CA10: variants seen among roughly 807,000 people sequenced by gnomAD.
CA10 encodes carbonic anhydrase-related protein 10.
In CA10, 14 loss-of-function variants were observed where a neutral mutation model predicts 44.2. That is an observed-to-expected ratio of 0.32 (90% CI 0.21 to 0.50). The LOEUF (loss-of-function observed/expected upper bound fraction) is 0.50, where lower values mean the gene tolerates loss of function less well. Among genes scored for constraint, CA10 ranks in the 20% least tolerant of loss-of-function variants. The probability of loss-of-function intolerance (pLI) is 0.99; values close to 1 mark genes in which losing one functional copy is unlikely to be tolerated. For synonymous variants in CA10, 159 were observed against 141.6 expected (o/e 1.12, Z -0.87); for missense variants, 350 against 409.7 (o/e 0.85, Z 1.26).
At chr17:51,962,807 G>A (rs946994207) in intron 2 of CA10, among the ~76,000 whole-genome samples, 2 of 152,132 alleles carry the variant, frequency 1.3e-5, no homozygotes, top group Admixed American at 6.5e-5. Context: ...ATAAAAATTA[G>A]AAGTCCTATT....
intron 3 of CA10, among the ~76,000 whole-genome samples, chr17:51,775,206 G>A (rs914117750): frequency 4.6e-5 from 7 of 152,216 alleles, no homozygotes; most frequent in Non-Finnish European, 8.8e-5. Context: ...TGCTCACAGA[G>A]AGGGCACAGT....
At chr17:51,973,227 T>C (rs1279751759) in intron 2 of CA10, among the ~76,000 whole-genome samples, 1 of 152,142 alleles carries the variant, frequency 6.6e-6, no homozygotes, top group African/African-American at 2.4e-5. Context: ...CCAAGTGAGA[T>C]CCATACTGAT....
intron 2 of CA10, among the ~76,000 whole-genome samples, chr17:52,031,280 G>C (rs977338452): frequency 1.1e-4 from 16 of 151,752 alleles, no homozygotes; most frequent in African/African-American, 3.9e-4. Flanking sequence ...CTCCCAAGTA[G>C]CTGAGACTAC....
intron 3 of CA10, among the ~76,000 whole-genome samples, chr17:51,908,235 T>C (rs1023947740): frequency 6.6e-6 from 1 of 152,154 alleles, no homozygotes; most frequent in African/African-American, 2.4e-5. Flanking sequence ...CACAGATTAA[T>C]TGAAAGAACT....
intron 2 of CA10, among the ~76,000 whole-genome samples, chr17:51,995,589 G>A (rs1195032164): frequency 3.9e-5 from 6 of 152,094 alleles, no homozygotes; most frequent in African/African-American, 1.4e-4. Context: ...CCTAAATAAG[G>A]GGAATTGGGT....
At chr17:51,994,568 C>T (rs1476251875) in intron 2 of CA10, among the ~76,000 whole-genome samples, 1 of 151,924 alleles carries the variant, frequency 6.6e-6, no homozygotes, top group Admixed American at 6.6e-5. Context: ...TACTATAGTT[C>T]AGTATCTGGT....
chr17:51,731,953 GC>G (rs1916738819), intron 4 of CA10, among the ~76,000 whole-genome samples: 1 of 152,166 alleles, frequency 6.6e-6, no homozygotes, highest in Non-Finnish European at 1.5e-5. Flanking sequence ...AGCACTCTGT[GC>G]CAGATCCAGT....
intron 4 of CA10, among the ~76,000 whole-genome samples, chr17:51,692,430 ACC>A (rs1567805370): frequency 0.019 from 1,292 of 68,122 alleles, 11 homozygotes; most frequent in East Asian, 0.061. Flanking sequence ...TATCTATTTT[ACC>A]ATTTACCATG....
chr17:52,096,708 GT>G (rs1279884451), intron 1 of CA10, among the ~76,000 whole-genome samples: 2 of 152,148 alleles, frequency 1.3e-5, no homozygotes, highest in Non-Finnish European at 2.9e-5. Flanking sequence ...TAGGGTTGAA[GT>G]TCTACTCTGT....
intron 2 of CA10, among the ~76,000 whole-genome samples, chr17:51,933,967 A>G (rs1982763859): frequency 6.6e-6 from 1 of 152,110 alleles, no homozygotes; most frequent in Admixed American, 6.6e-5. Flanking sequence ...TTTATTGGGC[A>G]TGGAATTCTT....
chr17:51,663,743 G>T (rs1156420837), intron 4 of CA10, among the ~76,000 whole-genome samples: 2 of 152,154 alleles, frequency 1.3e-5, no homozygotes, highest in Non-Finnish European at 1.5e-5. Flanking sequence ...GGCTGCTGGG[G>T]CTCTGATAAA....
intron 5 of CA10, 53 bp downstream of exon 5, chr17:51,653,588 A>G (rs1436238487): frequency 6.3e-6 from 6 of 946,680 alleles, no homozygotes; most frequent in Non-Finnish European, 8.7e-6. Flanking sequence ...GTAAATTGGT[A>G]TTCTGATTGA....
chr17:51,647,487 C>T (rs1597960868), intron 6 of CA10, among the ~76,000 whole-genome samples: 1 of 152,118 alleles, frequency 6.6e-6, no homozygotes, highest in East Asian at 1.9e-4. Flanking sequence ...TCCTCTCCCT[C>T]CCCTCTCTTG....
chr17:51,636,860 A>C (rs9303589), intron 6 of CA10, among the ~76,000 whole-genome samples: 67,337 of 149,850 alleles, frequency 0.45, 15,268 homozygotes, highest in South Asian at 0.57. Context: ...CTCTTACACC[A>C]ATTTGAGGTA....
chr17:52,070,282 C>T (rs1400366787), intron 2 of CA10, among the ~76,000 whole-genome samples: 1 of 152,172 alleles, frequency 6.6e-6, no homozygotes, highest in Non-Finnish European at 1.5e-5. Flanking sequence ...ATGTTTCAGG[C>T]ATCTTGAGAA....
At chr17:51,654,899 C>T (rs1211783650) in intron 4 of CA10, among the ~76,000 whole-genome samples, 2 of 151,060 alleles carry the variant, frequency 1.3e-5, no homozygotes, top group African/African-American at 2.5e-5. Context: ...AAGTAAAAAA[C>T]GTGATGCCCC....
chr17:52,018,817 G>A (rs948271766), intron 2 of CA10, among the ~76,000 whole-genome samples: 1 of 152,098 alleles, frequency 6.6e-6, no homozygotes, highest in Admixed American at 6.6e-5. Flanking sequence ...CAAATCTCAT[G>A]TTCAAATGTG....
At chr17:52,120,413 ACCTTATCCTTATCCTTAT>A (rs76764541) in intron 1 of CA10, among the ~76,000 whole-genome samples, 23,113 of 144,898 alleles carry the variant, frequency 0.16, 2,193 homozygotes, top group African/African-American at 0.26. Context: ...TTCATCCTTA[ACCTTATCCTTATCCTTAT>A]CCTTATCCTT....
At chr17:52,142,374 C>T (rs545369943) in intron 1 of CA10, among the ~76,000 whole-genome samples, 2 of 152,164 alleles carry the variant, frequency 1.3e-5, no homozygotes, top group Non-Finnish European at 2.9e-5. Flanking sequence ...TTGGCTGCAT[C>T]TCACATGTTA....
Sources: gnomAD v4.1 joint callset for allele counts (sites outside exome capture counted in the v4.1 genomes callset) on GRCh38, gnomAD v4.1.1 for gene constraint, MANE v1.5 for transcripts, NCBI Gene and HGNC (gene_info 2026-07-23, HGNC 2026-07-21) for gene names.